Variants in TENM2 observed in about 807,000 individuals in gnomAD.
TENM2 encodes teneurin transmembrane protein 2.
A neutral mutation model predicts 245.2 loss-of-function variants in TENM2; 52 were observed. The observed-to-expected ratio is 0.21, with a 90% CI of 0.17 to 0.27. TENM2 has a LOEUF of 0.27. TENM2 is among the 10% of genes least tolerant of loss of function. The pLI is 1.00. For missense variants in TENM2, 3,046 were observed against 3,666.8 expected (o/e 0.83, Z 4.37); for synonymous variants, 1,363 against 1,438.9 (o/e 0.95, Z 1.19).
intron 2 of TENM2, among the ~76,000 whole-genome samples, chr5:167,542,227 A>G (rs1160834259): frequency 6.6e-6 from 1 of 152,196 alleles, no homozygotes; most frequent in African/African-American, 2.4e-5. Flanking sequence ...AAGTGATTAT[A>G]ACAAAAAATG....
chr5:167,196,512 G>GTATATATATAGTGTGTGTATATATA, the TENM2 span, among the ~76,000 whole-genome samples: 15 of 144,282 alleles, frequency 1.0e-4, no homozygotes, highest in Admixed American at 6.1e-4. Context: ...ATATATATGT[G>GTATATATATAGTGTGTGTATATATA]TGTGTATATA....
chr5:167,261,763 G>A, the TENM2 span, among the ~76,000 whole-genome samples: 1 of 152,170 alleles, frequency 6.6e-6, no homozygotes, highest in Non-Finnish European at 1.5e-5. Flanking sequence ...TCTGGAATGT[G>A]CATGGATATA....
At chr5:167,883,392 GCA>G (rs138368123) in intron 3 of TENM2, among the ~76,000 whole-genome samples, 18 of 151,394 alleles carry the variant, frequency 1.2e-4, no homozygotes, top group African/African-American at 2.4e-4. Context: ...GTGTGCACAC[GCA>G]CACACACACA....
intron 27 of TENM2, 118 bp downstream of exon 29, chr5:168,248,489 C>T: frequency 9.8e-7 from 1 of 1,018,752 alleles, no homozygotes; most frequent in Non-Finnish European, 1.4e-6. Context: ...GCCATAAAGC[C>T]CAGGCAGTGC....
intron 2 of TENM2, among the ~76,000 whole-genome samples, chr5:167,550,651 G>C (rs1244556213): frequency 1.2e-4 from 18 of 151,362 alleles, no homozygotes; most frequent in African/African-American, 4.1e-4. Context: ...GTGCATCCCT[G>C]CAGGCTAGAG....
chr5:167,974,022 A>AGGGAGGGAGGAG (rs1299828112), intron 4 of TENM2, among the ~76,000 whole-genome samples: 1 of 66,314 alleles, frequency 1.5e-5, no homozygotes, highest in Non-Finnish European at 2.4e-5. Context: ...GGAGGGAGGG[A>AGGGAGGGAGGAG]GGAAGGAAGG....
chr5:167,173,027 A>G, the TENM2 span, among the ~76,000 whole-genome samples: 2 of 152,180 alleles, frequency 1.3e-5, no homozygotes, highest in African/African-American at 4.8e-5. Flanking sequence ...AACTCTGTAT[A>G]CAAAAGGCAC....
intron 2 of TENM2, among the ~76,000 whole-genome samples, chr5:167,500,663 T>A (rs1267948182): frequency 6.6e-6 from 1 of 152,034 alleles, no homozygotes; most frequent in East Asian, 1.9e-4. Context: ...AGGTAGGCAG[T>A]GTGTGATGGA....
intron 5 of TENM2, among the ~76,000 whole-genome samples, chr5:168,035,952 G>A (rs1253935985): frequency 6.6e-6 from 1 of 152,206 alleles, no homozygotes; most frequent in Non-Finnish European, 1.5e-5. Flanking sequence ...GAGATGCATT[G>A]AGAAAGTTTG....
rs369644132 is a variant in TENM2 at position 168,234,306 on chromosome 5, A to G, written c.5520+6176A>G. On this transcript the variant is annotated intron_variant, in intron 25 of 28. Coordinates refer to ENST00000518659, the Ensembl canonical transcript of TENM2. ...GAAGAAAGATTGACCTGGCAGAGGG[A>G]GTTCACATTCCTGGGCAAATCACTG... is the stretch of plus-strand genomic sequence containing the variant. Among the ~76,000 whole-genome samples the G allele has an allele frequency of 1.5e-4, 23 of 152,214 alleles. No individual in the cohort carries two copies. In the East Asian group the frequency reaches 1.5e-3, roughly 10 times the overall value.
At chr5:167,756,313 C>T (rs1561744405) in intron 2 of TENM2, among the ~76,000 whole-genome samples, 1 of 152,084 alleles carries the variant, frequency 6.6e-6, no homozygotes, top group Non-Finnish European at 1.5e-5. Context: ...TTTCAGCATG[C>T]CCCACCTCTC....
At chr5:167,350,939 TG>T (rs1369380938) in intron 1 of TENM2, among the ~76,000 whole-genome samples, 1 of 79,576 alleles carries the variant, frequency 1.3e-5, no homozygotes, top group African/African-American at 3.9e-5. Flanking sequence ...GATATATATA[TG>T]GGATATATAC....
the TENM2 span, among the ~76,000 whole-genome samples, chr5:166,989,292 T>C: frequency 7.5e-6 from 1 of 133,432 alleles, no homozygotes; most frequent in East Asian, 2.4e-4. Context: ...ATGGAGTCTC[T>C]CTCTGTTGCC....
intron 2 of TENM2, among the ~76,000 whole-genome samples, chr5:167,613,149 G>T (rs1310248327): frequency 6.6e-6 from 1 of 152,242 alleles, no homozygotes; most frequent in African/African-American, 2.4e-5. Flanking sequence ...CCATGTTCTG[G>T]TGTCAGATCG....
At chr5:167,898,593 G>A (rs1775435648) in intron 3 of TENM2, among the ~76,000 whole-genome samples, 1 of 152,198 alleles carries the variant, frequency 6.6e-6, no homozygotes, top group Non-Finnish European at 1.5e-5. Flanking sequence ...ATGGAAGCAA[G>A]TGTAAGAGGA....
intron 1 of TENM2, among the ~76,000 whole-genome samples, chr5:167,291,664 T>C (rs1754645976): frequency 6.6e-6 from 1 of 152,226 alleles, no homozygotes; most frequent in Non-Finnish European, 1.5e-5. Context: ...GGCCACATCT[T>C]GGATGTAGGT....
intron 1 of TENM2, among the ~76,000 whole-genome samples, chr5:167,346,648 T>G (rs1758473471): frequency 6.6e-6 from 1 of 152,236 alleles, no homozygotes; most frequent in Non-Finnish European, 1.5e-5. Context: ...CTAACAAGTC[T>G]GCCAGTTTCA....
chr5:167,033,522 C>A, the TENM2 span, among the ~76,000 whole-genome samples: 2 of 152,110 alleles, frequency 1.3e-5, no homozygotes, highest in African/African-American at 4.8e-5. Context: ...GATGAGTGGC[C>A]TTTGAAAGAT....
At chr5:167,846,448 C>T (rs888994540) in intron 2 of TENM2, among the ~76,000 whole-genome samples, 2 of 152,158 alleles carry the variant, frequency 1.3e-5, no homozygotes, top group African/African-American at 4.8e-5. Context: ...AAAGAGAAGG[C>T]AAGAGAAGCT....
Sources: gnomAD v4.1 joint callset for allele counts (sites outside exome capture counted in the v4.1 genomes callset) on GRCh38, gnomAD v4.1.1 for gene constraint, MANE v1.5 for transcripts, NCBI Gene and HGNC (gene_info 2026-07-23, HGNC 2026-07-21) for gene names.